Variants in CTNNA2 observed in about 807,000 individuals in gnomAD.
CTNNA2 encodes catenin alpha 2, also known as catenin alpha-2.
CTNNA2 carries 42 observed loss-of-function variants against 101.0 expected under a neutral mutation model. The observed-to-expected ratio is 0.42, with a 90% CI of 0.32 to 0.54. The LOEUF (loss-of-function observed/expected upper bound fraction) is 0.54, where lower values mean the gene tolerates loss of function less well. CTNNA2 is among the 20% of genes least tolerant of loss of function. CTNNA2 has a pLI of 0.14. For synonymous variants in CTNNA2, 450 were observed against 456.4 expected, an observed-to-expected ratio of 0.99 and a Z score of 0.18; for missense variants, 871 against 1,223.1, an observed-to-expected ratio of 0.71 and a Z score of 4.29.
rs376558603 is a variant in CTNNA2 at position 79,442,620 on chromosome 2, CTA to C, written c.-134-62432_-134-62431del. Among the ~76,000 whole-genome samples the C allele has an allele frequency of 4.8e-3, 729 of 152,264 alleles. 7 individuals carry two copies. The highest frequency in any genetic ancestry group is 0.016 in the African/African-American group (669 of 41,548). On this transcript the variant is annotated intron_variant, in intron 4 of 21. Transcript: ENST00000466387. ...CATGCCTTGAAAAGGGATCCAGAGACTATTTATTAGATGCAATAGGCAAATAT... is the reference window on the plus strand; with the variant it reads ...CATGCCTTGAAAAGGGATCCAGAGACTTTATTAGATGCAATAGGCAAATAT...
intron 7 of CTNNA2, among the ~76,000 whole-genome samples, chr2:80,279,049 C>CGTGTGTGTGTGT (rs3219982): frequency 0.27 from 36,704 of 135,428 alleles, 5,247 homozygotes; most frequent in Non-Finnish European, 0.32. Context: ...ATGACTTTTA[C>CGTGTGTGTGTGT]GTGTGTGTGT....
In CTNNA2 at chr2:79,353,466, G is replaced by T. The variant is rs1573111739; in HGVS notation, c.-317-20365G>T. ...AGGAGAGAATTGTTTTTTGTTTAAAGTCTGTTTTATCAGAATAGCAACAAC... is the reference window on the plus strand; with the variant it reads ...AGGAGAGAATTGTTTTTTGTTTAAATTCTGTTTTATCAGAATAGCAACAAC... On this transcript the variant is annotated intron_variant, in intron 3 of 21. Transcript: ENST00000466387. 3.3e-5 allele frequency among the ~76,000 whole-genome samples: 5 copies of T among 152,270 alleles called. No homozygotes were observed. In the South Asian group the frequency reaches 1.0e-3, roughly 32 times the overall value.
chr2:79,210,835 G>A (rs1471917231), intron 2 of CTNNA2, among the ~76,000 whole-genome samples: 4 of 152,022 alleles, frequency 2.6e-5, no homozygotes, highest in East Asian at 1.9e-4. Flanking sequence ...CCCAATCCCC[G>A]TATTCCCAAG....
At position 80,554,235 on chromosome 2, in the gene CTNNA2, C is replaced by G. The variant is rs185782907; in HGVS notation, c.1541-1458C>G. ...TGGAGACTAGGATTTGCTGGATACT[C>G]TCTTTCTTTCTTTAGGAAATTTAAA... On this transcript the variant is annotated intron_variant, in intron 11 of 18. Transcript: ENST00000402739. Among the ~76,000 whole-genome samples the G allele has an allele frequency of 4.9e-3, 743 of 152,162 alleles. 8 individuals are homozygous for G. Among genetic ancestry groups the G allele is most frequent in the African/African-American group, 0.017 (703 of 41,520 alleles).
chr2:80,212,358 CAT>C (rs1232406709), intron 7 of CTNNA2, among the ~76,000 whole-genome samples: 3 of 152,214 alleles, frequency 2.0e-5, no homozygotes, highest in Non-Finnish European at 4.4e-5. Context: ...GTGGGTTTGT[CAT>C]AAACAGTTCT....
chr2:80,640,883 C>T (rs1217667017), intron 18 of CTNNA2, among the ~76,000 whole-genome samples: 1 of 143,646 alleles, frequency 7.0e-6, no homozygotes, highest in Non-Finnish European at 1.6e-5. Flanking sequence ...TGTTTGCTTT[C>T]AATTTATTGC....
At chr2:80,567,570 T>A (rs973965862) in intron 12 of CTNNA2, among the ~76,000 whole-genome samples, 2 of 152,148 alleles carry the variant, frequency 1.3e-5, no homozygotes, top group African/African-American at 4.8e-5. Flanking sequence ...TCCTGAATAA[T>A]CCCTTAGCAG....
In CTNNA2 at chr2:79,802,011, AAAT is replaced by A. The variant is rs1393819097; in HGVS notation, c.299-56001_299-55999del. Among the ~76,000 whole-genome samples, 19 of 150,786 alleles carry A rather than the reference AAAT, an allele frequency of 1.3e-4. No homozygotes were observed. The East Asian group carries it at 2.0e-3, about 16-fold the overall frequency. ...CTGTCTCAAAAAAAAAAAAAAAAAA[AAAT>A]GAAAAAAGAAAGAAAGAAAAAAAGC... On this transcript the variant is annotated intron_variant, in intron 3 of 18. Transcript: ENST00000402739.
intron 7 of CTNNA2, among the ~76,000 whole-genome samples, chr2:80,198,925 A>T (rs1707015916): frequency 6.6e-6 from 1 of 152,012 alleles, no homozygotes; most frequent in African/African-American, 2.4e-5. Flanking sequence ...GTTCATGCCT[A>T]TAATCCCAGC....
intron 1 of CTNNA2, among the ~76,000 whole-genome samples, chr2:79,544,460 G>T (rs1036904150): frequency 3.3e-5 from 5 of 152,108 alleles, no homozygotes; most frequent in African/African-American, 9.7e-5. Context: ...AAGATTTCTG[G>T]GGTCTAGAAG....
At chr2:79,255,124 C>T (rs1674827255) in intron 2 of CTNNA2, among the ~76,000 whole-genome samples, 1 of 152,148 alleles carries the variant, frequency 6.6e-6, no homozygotes, top group Non-Finnish European at 1.5e-5. Context: ...CTCAAATTTT[C>T]CTCAAGCTCT....
chr2:80,006,359 T>TGA (rs1553427809), intron 7 of CTNNA2, among the ~76,000 whole-genome samples: 1 of 139,054 alleles, frequency 7.2e-6, no homozygotes, highest in East Asian at 2.1e-4. Context: ...AGAAGTGCAG[T>TGA]AAAAAAAAAA....
chr2:79,989,030 T>G (rs1004184928), intron 7 of CTNNA2, among the ~76,000 whole-genome samples: 2 of 152,218 alleles, frequency 1.3e-5, no homozygotes, highest in African/African-American at 4.8e-5. Flanking sequence ...TTGACATTTT[T>G]CCAGTATGTT....
At chr2:79,583,858 T>C (rs987185345) in intron 1 of CTNNA2, among the ~76,000 whole-genome samples, 1 of 152,224 alleles carries the variant, frequency 6.6e-6, no homozygotes, top group African/African-American at 2.4e-5. Flanking sequence ...GTTTTTCCAT[T>C]ACATTGACTG....
intron 17 of CTNNA2, 38 bp from the exon 18 acceptor site, chr2:80,619,047 T>C: frequency 7.8e-7 from 1 of 1,281,566 alleles, no homozygotes. Context: ...TTTTGCTCTC[T>C]CTCTCATTCT....
intron 9 of CTNNA2, among the ~76,000 whole-genome samples, chr2:80,534,989 T>C (rs866702610): frequency 9.9e-5 from 15 of 152,278 alleles, no homozygotes; most frequent in African/African-American, 1.2e-4. Context: ...AATTAAAAAA[T>C]ATTGGTTAGA....
chr2:79,410,222 A>G (rs1678393263), intron 4 of CTNNA2, among the ~76,000 whole-genome samples: 1 of 146,010 alleles, frequency 6.8e-6, no homozygotes, highest in Non-Finnish European at 1.5e-5. Flanking sequence ...GGGGTTTTCT[A>G]GATATACAAT....
chr2:80,310,233 A>G (rs1573675588), intron 7 of CTNNA2, among the ~76,000 whole-genome samples: 1 of 152,236 alleles, frequency 6.6e-6, no homozygotes, highest in East Asian at 1.9e-4. Flanking sequence ...TTTCTGAATA[A>G]TGTGTTTTCT....
At chr2:80,301,095 C>A (rs1336896886) in intron 7 of CTNNA2, among the ~76,000 whole-genome samples, 1 of 152,124 alleles carries the variant, frequency 6.6e-6, no homozygotes, top group African/African-American at 2.4e-5. Flanking sequence ...CTCCCCACCC[C>A]ATCACTGCTC....
Sources: allele counts gnomAD v4.1 joint callset (sites outside exome capture counted in the v4.1 genomes callset), GRCh38; gene constraint gnomAD v4.1.1; transcripts MANE v1.5; gene names NCBI Gene and HGNC (gene_info 2026-07-23, HGNC 2026-07-21).